The following DIAPH3 variants were observed in gnomAD, a reference collection of about 807,000 sequenced individuals.
DIAPH3 encodes diaphanous related formin 3, also known as protein diaphanous homolog 3.
A neutral mutation model predicts 144.3 loss-of-function variants in DIAPH3; 117 were observed. That is an observed-to-expected ratio of 0.81 (90% CI 0.70 to 0.95). The LOEUF is 0.95. Among genes scored for constraint, DIAPH3 ranks in the 40% least tolerant of loss-of-function variants. The pLI is 0.00. For synonymous variants in DIAPH3, 519 were observed against 488.9 expected (o/e 1.06, Z -0.81); for missense variants, 1,421 against 1,412.7 (o/e 1.01, Z -0.09).
intron 17 of DIAPH3, among the ~76,000 whole-genome samples, chr13:59,955,162 A>G (rs2049327072): frequency 6.6e-6 from 1 of 151,840 alleles, no homozygotes; most frequent in Non-Finnish European, 1.5e-5. Context: ...ATTTTTATAT[A>G]TGAAAAATTC....
rs531282203 is a variant in DIAPH3 at position 59,826,419 on chromosome 13, C to G, written c.3027+6688G>C. 1.0e-3 allele frequency among the ~76,000 whole-genome samples: 153 copies of G among 150,022 alleles called. 1 individual carries two copies. In the South Asian group the frequency reaches 0.032, roughly 32 times the overall value. On this transcript the variant is annotated intron_variant, in intron 24 of 27. Transcript: ENST00000400324. ...AACAGAGAGCCAAATCATGAGTGAACTCCCATTCACAATTGCTTCAAAGAG... is the reference window on the plus strand; with the variant it reads ...AACAGAGAGCCAAATCATGAGTGAAGTCCCATTCACAATTGCTTCAAAGAG...
intron 25 of DIAPH3, among the ~76,000 whole-genome samples, chr13:59,800,095 G>T (rs1180245803): frequency 2.6e-5 from 4 of 152,182 alleles, no homozygotes; most frequent in Non-Finnish European, 5.9e-5. Context: ...TCAAATTGGA[G>T]CAGGCTAAAA....
At chr13:59,773,481 ACCCAC>A (rs2038227749) in intron 27 of DIAPH3, among the ~76,000 whole-genome samples, 1 of 152,184 alleles carries the variant, frequency 6.6e-6, no homozygotes, top group Non-Finnish European at 1.5e-5. Context: ...GAAAAACAGC[ACCCAC>A]AATCAACGAA....
At chr13:59,957,051 A>G (rs2049449248) in intron 17 of DIAPH3, among the ~76,000 whole-genome samples, 1 of 152,180 alleles carries the variant, frequency 6.6e-6, no homozygotes. Context: ...TTGATTTTAC[A>G]GGCTCATAGG....
At position 59,973,532 on chromosome 13, in the gene DIAPH3, A is replaced by G. The variant is rs116773522; in HGVS notation, c.1650+820T>C. On this transcript the variant is annotated intron_variant, in intron 15 of 27. Transcript: ENST00000400324. ...AGATAGGAGATTTTAATTTTTTTCT[A>G]AAATTGAATACTAACAGATAGCTAT... is the stretch of plus-strand genomic sequence containing the variant. Among the ~76,000 whole-genome samples the G allele has an allele frequency of 1.8e-3, 273 of 152,194 alleles. 2 individuals carry two copies. The highest frequency in any genetic ancestry group is 6.3e-3 in the African/African-American group (263 of 41,568).
At chr13:60,155,341 A>C (rs1007196413) in intron 1 of DIAPH3, among the ~76,000 whole-genome samples, 15 of 152,314 alleles carry the variant, frequency 9.8e-5, no homozygotes, top group African/African-American at 3.1e-4. Context: ...CCGTCAAAGA[A>C]AAGACCCAGA....
At chr13:59,797,878 T>A (rs951476913) in intron 25 of DIAPH3, among the ~76,000 whole-genome samples, 1 of 152,214 alleles carries the variant, frequency 6.6e-6, no homozygotes, top group Non-Finnish European at 1.5e-5. Context: ...TTGTCTTTAT[T>A]AACAAATTTG....
At chr13:59,768,892 TA>T (rs2037984998) in intron 27 of DIAPH3, among the ~76,000 whole-genome samples, 1 of 152,204 alleles carries the variant, frequency 6.6e-6, no homozygotes, top group Admixed American at 6.5e-5. Context: ...GGATGCTCTC[TA>T]AAAATGCATA....
At chr13:59,722,081 A>G (rs891353709) in intron 27 of DIAPH3, among the ~76,000 whole-genome samples, 6 of 152,208 alleles carry the variant, frequency 3.9e-5, no homozygotes, top group Non-Finnish European at 8.8e-5. Context: ...TCCATAAAAC[A>G]TCTAATTATC....
chr13:59,812,476 T>C (rs895201489), intron 24 of DIAPH3, among the ~76,000 whole-genome samples: 1 of 152,014 alleles, frequency 6.6e-6, no homozygotes, highest in African/African-American at 2.4e-5. Context: ...TTACATTCTA[T>C]ATGGTAGGGT....
At chr13:59,806,247 T>C (rs1158994285) in intron 25 of DIAPH3, among the ~76,000 whole-genome samples, 1 of 152,024 alleles carries the variant, frequency 6.6e-6, no homozygotes, top group Non-Finnish European at 1.5e-5. Flanking sequence ...CACATTCTTT[T>C]AAGGCTGAGA....
At chr13:59,789,515 C>G (rs1369412741) in intron 25 of DIAPH3, among the ~76,000 whole-genome samples, 1 of 151,984 alleles carries the variant, frequency 6.6e-6, no homozygotes, top group Non-Finnish European at 1.5e-5. Context: ...AATGAAAATG[C>G]TTAATTCAAT....
intron 4 of DIAPH3, among the ~76,000 whole-genome samples, chr13:60,067,157 T>C (rs1162568677): frequency 6.6e-6 from 1 of 151,912 alleles, no homozygotes; most frequent in Non-Finnish European, 1.5e-5. Context: ...TGGTGGCATA[T>C]GCCTGTAGTC....
rs1204841723 is a variant in DIAPH3 at position 59,991,167 on chromosome 13, T to C, written c.1352A>G (p.Tyr451Cys). Residue 451 changes from tyrosine (Y) to cysteine (C), a missense_variant, in exon 12 of 28, where the codon TAT becomes TGT. Tyr to Cys is a radical substitution (Grantham distance 194, BLOSUM62 -2). Transcript: ENST00000400324. ...TACAACTTCCTCTTACCTTATAAAATAATCATTTCGAATCAGCAAAAGATG... is the reference window on the plus strand; with the variant it reads ...TACAACTTCCTCTTACCTTATAAAACAATCATTTCGAATCAGCAAAAGATG... Reference protein sequence around the residue: ...LQHLLLIRNDYFIRQQYFKLI... With the variant: ...LQHLLLIRNDCFIRQQYFKLI... 1.3e-6 allele frequency: 2 copies of C among 1,589,210 alleles called. No homozygotes were observed. Among genetic ancestry groups the C allele is most frequent in the Non-Finnish European group, 1.7e-6 (2 of 1,159,528 alleles).
intron 27 of DIAPH3, among the ~76,000 whole-genome samples, chr13:59,762,479 T>C (rs189736921): frequency 2.6e-5 from 4 of 152,312 alleles, no homozygotes; most frequent in Middle Eastern, 3.4e-3. Flanking sequence ...GCAGAGATCA[T>C]TGGGCACCAT....
chr13:59,829,741 G>T (rs1400675900), intron 24 of DIAPH3, among the ~76,000 whole-genome samples: 1 of 151,846 alleles, frequency 6.6e-6, no homozygotes, highest in African/African-American at 2.4e-5. Flanking sequence ...AGATTAGAGG[G>T]ATGAGTATGA....
At chr13:59,851,095 A>G (rs2042942093) in intron 22 of DIAPH3, among the ~76,000 whole-genome samples, 1 of 151,768 alleles carries the variant, frequency 6.6e-6, no homozygotes, top group Non-Finnish European at 1.5e-5. Context: ...TTAGACCAAT[A>G]TCCTTGATGA....
intron 25 of DIAPH3, among the ~76,000 whole-genome samples, chr13:59,802,983 C>A (rs899970713): frequency 6.6e-6 from 1 of 152,012 alleles, no homozygotes; most frequent in Non-Finnish European, 1.5e-5. Context: ...CGCGCCCAGC[C>A]GATCTATATT....
intron 4 of DIAPH3, among the ~76,000 whole-genome samples, chr13:60,075,482 T>C (rs962777046): frequency 6.6e-6 from 1 of 152,214 alleles, no homozygotes; most frequent in African/African-American, 2.4e-5. Context: ...ACCTGCTCAA[T>C]AGCACTCTCT....
Sources: gnomAD v4.1 joint callset for allele counts (sites outside exome capture counted in the v4.1 genomes callset) on GRCh38, gnomAD v4.1.1 for gene constraint, MANE v1.5 for transcripts, NCBI Gene and HGNC (gene_info 2026-07-23, HGNC 2026-07-21) for gene names.